BCL6: variants seen among roughly 807,000 people sequenced by gnomAD.
BCL6 encodes BCL6 transcription repressor.
BCL6 carries 7 observed loss-of-function variants against 59.5 expected under a neutral mutation model. That is an observed-to-expected ratio of 0.12 (90% CI 0.07 to 0.22). The LOEUF (loss-of-function observed/expected upper bound fraction) is 0.22, where lower values mean the gene tolerates loss of function less well. Among genes scored for constraint, BCL6 ranks in the 10% least tolerant of loss-of-function variants. The pLI is 1.00. For missense variants in BCL6, 685 were observed against 939.4 expected (o/e 0.73, Z 3.54); for synonymous variants, 339 against 349.7 (o/e 0.97, Z 0.34).
At chr3:187,744,452 C>T (rs531477482) in intron 1 of BCL6, among the ~76,000 whole-genome samples, 1 of 152,148 alleles carries the variant, frequency 6.6e-6, no homozygotes, top group Admixed American at 6.5e-5. Flanking sequence ...TTCAACATCC[C>T]CGCCCCCAAG....
At chr3:187,726,206 G>A (rs1718686253) in intron 7 of BCL6, among the ~76,000 whole-genome samples, 1 of 152,190 alleles carries the variant, frequency 6.6e-6, no homozygotes, top group Non-Finnish European at 1.5e-5. Flanking sequence ...GGTGGGGCTT[G>A]GGCCTGAGTA....
intron 9 of BCL6, chr3:187,724,486 T>A (rs988946952): frequency 1.3e-5 from 2 of 154,762 alleles, no homozygotes; most frequent in Non-Finnish European, 2.9e-5. Context: ...TCCTGTAACA[T>A]CATTAATTCT....
In BCL6 at chr3:187,722,287, G is replaced by A. The variant is rs983608858; in HGVS notation, c.*171C>T. On this transcript the variant is annotated 3_prime_UTR_variant, in exon 10 of 10. Coordinates refer to ENST00000406870, the MANE Select transcript of BCL6 (RefSeq NM_001706.5). ...GCAGTGGGGGAGGGGGAGCTGCTGC[G>A]GCTCCCAGTCCCCCAGGCCCCGACC... 1.9e-5 allele frequency: 13 copies of A among 674,318 alleles called. No homozygotes were observed. Among genetic ancestry groups the A allele is most frequent in the African/African-American group, 9.4e-5 (5 of 53,192 alleles). 41.8% of individuals were successfully genotyped at this position (674,318 alleles called of 1,614,324 possible).
chr3:187,725,265 A>G lies in BCL6; in HGVS notation c.1840-187T>C, dbSNP rs1389762502. 3.5e-5 allele frequency among the ~76,000 whole-genome samples: 5 copies of G among 142,222 alleles called. No homozygotes were observed. Among genetic ancestry groups the G allele is most frequent in the African/African-American group, 5.3e-5 (2 of 37,718 alleles). 93.3% of individuals were successfully genotyped at this position (142,222 alleles called of 152,430 possible). ...TGCCCACTCCTCTGCTCACCTGCCC[A>G]CTCTGCTCACCTACCCGCTCTGCTC... On this transcript the variant is annotated intron_variant, in intron 8 of 9. Coordinates refer to ENST00000406870, the MANE Select transcript of BCL6 (RefSeq NM_001706.5). This position sits in a 1 kb window ranked among gnomAD's most constrained non-coding sequence, Gnocchi z 4.7.
chr3:187,724,825 G>T, intron 9 of BCL6, 116 bp downstream of exon 9: 1 of 1,428,306 alleles, frequency 7.0e-7, no homozygotes. Context: ...GTGTGCTTGA[G>T]ATGGGAGCAA....
Position 187,724,861 on chromosome 3 carries a change from C to A in BCL6, c.1977+80G>T. On this transcript the variant is annotated intron_variant, in intron 9 of 9. Transcript: ENST00000406870. Reference sequence around the variant, plus strand: ...ACAGTTCCACTGCCTCCCTGCTCCACCTCCTTCCCTGCGCTCCACCTCCTT... The same window carrying A: ...ACAGTTCCACTGCCTCCCTGCTCCAACTCCTTCCCTGCGCTCCACCTCCTT... 3.8e-6 allele frequency: 6 copies of A among 1,582,808 alleles called. No individual in the cohort carries two copies. The East Asian group carries it at 9.0e-5, about 24-fold the overall frequency.
intron 6 of BCL6, 58 bp from the exon 7 acceptor site, chr3:187,726,956 T>G: frequency 6.3e-7 from 1 of 1,578,990 alleles, no homozygotes; most frequent in Non-Finnish European, 8.7e-7. Context: ...GGTAGGGCTC[T>G]AAGGCCGCTC....
intron 1 of BCL6, 36 bp downstream of exon 1, chr3:187,745,374 A>C (rs1711905819): frequency 2.5e-6 from 1 of 402,458 alleles, no homozygotes; most frequent in African/African-American, 2.0e-5. Flanking sequence ...CGGCGGCAGT[A>C]GCAGCAGCAG....
chr3:187,744,436 A>G (rs1333513364), intron 1 of BCL6, among the ~76,000 whole-genome samples: 1 of 152,042 alleles, frequency 6.6e-6, no homozygotes, highest in East Asian at 1.9e-4. Flanking sequence ...AATAATTTTC[A>G]AAGTGTTCAA....
At chr3:187,740,265 A>G (rs1711537739) in intron 1 of BCL6, among the ~76,000 whole-genome samples, 1 of 151,922 alleles carries the variant, frequency 6.6e-6, no homozygotes, top group Admixed American at 6.6e-5. Flanking sequence ...CCAGGCTACT[A>G]TGCAGAGGAT....
chr3:187,744,658 A>G (rs1711805172), intron 1 of BCL6, among the ~76,000 whole-genome samples: 1 of 152,220 alleles, frequency 6.6e-6, no homozygotes, highest in African/African-American at 2.4e-5. Context: ...CAGGGAATCT[A>G]AAAGACCGAG....
Position 187,721,728 on chromosome 3 carries a change from T to C in BCL6, c.*730A>G, listed in dbSNP as rs993792113. 8.6e-6 allele frequency: 2 copies of C among 231,894 alleles called. No homozygotes were observed. The highest frequency in any genetic ancestry group is 2.2e-5 in the African/African-American group (1 of 45,228). The allele number at this position is 231,894 out of a possible 1,614,324, so 14.4% of individuals were successfully genotyped here. ...TTTTTGTTCTTTTTGTTTTTTTTAA[T>C]ACACACTTTGTAAATTGTAAACCTT... On this transcript the variant is annotated 3_prime_UTR_variant, in exon 10 of 10. Transcript: ENST00000406870. This position sits in a 1 kb window ranked among gnomAD's most constrained non-coding sequence, Gnocchi z 4.2.
intron 9 of BCL6, 149 bp downstream of exon 9, chr3:187,724,792 A>G (rs900073229): frequency 1.7e-6 from 2 of 1,155,994 alleles, no homozygotes; most frequent in Admixed American, 2.4e-5. Flanking sequence ...TCTTCCAACC[A>G]TTAGCGTAGT....
chr3:187,741,451 C>T (rs1358184049), intron 1 of BCL6, among the ~76,000 whole-genome samples: 1 of 152,054 alleles, frequency 6.6e-6, no homozygotes, highest in Non-Finnish European at 1.5e-5. Context: ...GCGCTGGGGG[C>T]CGAGTGCTGG....
At chr3:187,745,277 G>C (rs564418828) in intron 1 of BCL6, 133 bp downstream of exon 1, 6 of 398,306 alleles carry the variant, frequency 1.5e-5, no homozygotes, top group Middle Eastern at 6.3e-4. Context: ...AAAGCATTTG[G>C]CAAGAGCGGA....
At chr3:187,732,411 A>G (rs568646733) in intron 3 of BCL6, 6 of 421,886 alleles carry the variant, frequency 1.4e-5, no homozygotes, top group Non-Finnish European at 2.8e-5. Flanking sequence ...ATATGCCTAC[A>G]TCTATACTCT....
intron 1 of BCL6, among the ~76,000 whole-genome samples, chr3:187,739,690 G>A (rs149441996): frequency 6.6e-6 from 1 of 152,286 alleles, no homozygotes; most frequent in Non-Finnish European, 1.5e-5. Flanking sequence ...CGCTCAGCGC[G>A]AGACAGCCTT....
Position 187,725,085 on chromosome 3 carries a change from G to C in BCL6, c.1840-7C>G. The C allele has an allele frequency of 1.2e-6, 2 of 1,613,674 alleles. No individual in the cohort carries two copies. Among genetic ancestry groups the C allele is most frequent in the South Asian group, 2.2e-5 (2 of 91,060 alleles). ...GGGCACGGAGGTGGGCCACCTGAAC[G>C]AAGAAGAAGGCATGAGAGGTCTTCT... On this transcript the variant is annotated splice_polypyrimidine_tract_variant and splice_region_variant and intron_variant, in intron 8 of 9. Transcript: ENST00000406870. This position sits in a 1 kb window ranked among gnomAD's most constrained non-coding sequence, Gnocchi z 4.7.
chr3:187,737,808 G>A (rs1719362125), intron 1 of BCL6: 1 of 144,728 alleles, frequency 6.9e-6, no homozygotes, highest in Non-Finnish European at 1.5e-5. Context: ...AGGCAATGAG[G>A]GGAATGACAC....
Sources: gnomAD v4.1 joint callset for allele counts (sites outside exome capture counted in the v4.1 genomes callset) on GRCh38, gnomAD v4.1.1 for gene constraint, Gnocchi (gnomAD v3.1) non-coding constraint, MANE v1.5 for transcripts, NCBI Gene and HGNC (gene_info 2026-07-23, HGNC 2026-07-21) for gene names.